LSAMP: variants seen among roughly 807,000 people sequenced by gnomAD.
LSAMP encodes limbic system associated membrane protein.
A neutral mutation model predicts 38.6 loss-of-function variants in LSAMP; 7 were observed. The ratio of observed to expected loss-of-function variants is 0.18; its 90% confidence interval spans 0.10 to 0.34. The LOEUF (loss-of-function observed/expected upper bound fraction) is 0.34. Among genes scored for constraint, LSAMP ranks in the 10% least tolerant of loss-of-function variants. The pLI is 1.00. For missense variants in LSAMP, 313 were observed against 420.0 expected (o/e 0.75, Z 2.23); for synonymous variants, 154 against 166.8 (o/e 0.92, Z 0.59).
chr3:116,198,031 T>A (rs1378026511), intron 1 of LSAMP, among the ~76,000 whole-genome samples: 1 of 152,176 alleles, frequency 6.6e-6, no homozygotes, highest in Non-Finnish European at 1.5e-5. Context: ...AGATATATCT[T>A]ATTCAGGAAA....
At chr3:115,888,840 T>C (rs1371024200) in intron 3 of LSAMP, among the ~76,000 whole-genome samples, 1 of 151,962 alleles carries the variant, frequency 6.6e-6, no homozygotes, top group African/African-American at 2.4e-5. Flanking sequence ...CAAATTTGGC[T>C]GGTGAGATTA....
chr3:116,414,375 C>A (rs2049021141), intron 1 of LSAMP, among the ~76,000 whole-genome samples: 1 of 152,094 alleles, frequency 6.6e-6, no homozygotes, highest in South Asian at 2.1e-4. Flanking sequence ...CAGCACAATT[C>A]TTTCTGCATA....
intron 1 of LSAMP, among the ~76,000 whole-genome samples, chr3:116,267,163 T>G (rs919767697): frequency 6.6e-6 from 1 of 152,164 alleles, no homozygotes; most frequent in Non-Finnish European, 1.5e-5. Flanking sequence ...TTACATTTTT[T>G]TTTGAAGTTG....
At chr3:115,843,698 T>C (rs1329885187) in intron 4 of LSAMP, among the ~76,000 whole-genome samples, 2 of 152,036 alleles carry the variant, frequency 1.3e-5, no homozygotes, top group Non-Finnish European at 2.9e-5. Flanking sequence ...ATTTTTTTTT[T>C]GTATTAAAAA....
rs147305645 is a variant in LSAMP at position 116,167,779 on chromosome 3, TATA to T, written c.156-81226_156-81224del. 2.1e-3 allele frequency among the ~76,000 whole-genome samples: 316 copies of T among 152,352 alleles called. 1 individual carries two copies. The highest frequency in any genetic ancestry group is 6.8e-3 in the African/African-American group (283 of 41,582). On this transcript the variant is annotated intron_variant, in intron 1 of 6. Coordinates refer to ENST00000490035, the MANE Select transcript of LSAMP (RefSeq NM_002338.5). The stretch of plus-strand genomic sequence containing the variant: ...CACCCCTTATATACAACATACTATG[TATA>T]ATAATGTAGGGTTATTATGTACTGC...
rs34608987 is a variant in LSAMP, at chr3:116,050,533, G to A, written c.389-30893C>T. ...ATATGGTCCTTGGGGAAATTAGGGG[G>A]AAAAAAAAAAAGTATCCACTAAGTC... On this transcript the variant is annotated intron_variant, in intron 2 of 6. Transcript: ENST00000490035. 9.5e-3 allele frequency among the ~76,000 whole-genome samples: 1,323 copies of A among 138,818 alleles called. 15 individuals carry two copies. Among genetic ancestry groups the A allele is most frequent in the African/African-American group, 0.034 (1,082 of 31,956 alleles). 91.1% of individuals were successfully genotyped at this position (138,818 alleles called of 152,430 possible).
intron 1 of LSAMP, among the ~76,000 whole-genome samples, chr3:116,114,012 T>G (rs983951763): frequency 1.3e-5 from 2 of 152,194 alleles, no homozygotes; most frequent in African/African-American, 2.4e-5. Context: ...ATGTTGAAAA[T>G]GTTGAACTTT....
chr3:115,891,680 A>G (rs1186850948), intron 3 of LSAMP, among the ~76,000 whole-genome samples: 1 of 151,830 alleles, frequency 6.6e-6, no homozygotes, highest in Non-Finnish European at 1.5e-5. Context: ...ATTCCAAACC[A>G]CTCAGGAGAG....
intron 2 of LSAMP, among the ~76,000 whole-genome samples, chr3:116,072,757 T>C (rs1007170527): frequency 1.3e-5 from 2 of 150,066 alleles, no homozygotes; most frequent in African/African-American, 4.9e-5. Flanking sequence ...TTGTGGTTTT[T>C]TTTTTTTTTT....
chr3:115,875,691 G>A (rs866634974), intron 3 of LSAMP, among the ~76,000 whole-genome samples: 1 of 151,948 alleles, frequency 6.6e-6, no homozygotes, highest in African/African-American at 2.4e-5. Flanking sequence ...TGTCCTCATT[G>A]TTCTTACCTC....
chr3:116,145,053 G>T (rs747895012), intron 1 of LSAMP, among the ~76,000 whole-genome samples: 23 of 151,816 alleles, frequency 1.5e-4, no homozygotes, highest in Non-Finnish European at 2.7e-4. Flanking sequence ...TTGTTTGATT[G>T]ATTTTAATAT....
At chr3:116,096,891 C>CT (rs1263603304) in intron 1 of LSAMP, among the ~76,000 whole-genome samples, 3 of 152,220 alleles carry the variant, frequency 2.0e-5, no homozygotes, top group Non-Finnish European at 2.9e-5. Flanking sequence ...GAATCTACAA[C>CT]TTTTTTCTCT....
At chr3:116,239,945 TC>T (rs1395913347) in intron 1 of LSAMP, among the ~76,000 whole-genome samples, 3 of 152,192 alleles carry the variant, frequency 2.0e-5, no homozygotes, top group Admixed American at 2.0e-4. Context: ...AAGTTTATAA[TC>T]TACTCTGCCA....
At chr3:116,066,160 C>T (rs145566899) in intron 2 of LSAMP, among the ~76,000 whole-genome samples, 50 of 152,252 alleles carry the variant, frequency 3.3e-4, no homozygotes, top group African/African-American at 1.0e-3. Context: ...AGATGGCTGA[C>T]TTTTCACTTT....
At chr3:116,285,233 T>A (rs1031376694) in intron 1 of LSAMP, among the ~76,000 whole-genome samples, 2 of 152,136 alleles carry the variant, frequency 1.3e-5, no homozygotes, top group African/African-American at 4.8e-5. Context: ...CATATCACTG[T>A]TCTGCAATGG....
At chr3:115,933,845 T>C (rs1039534219) in intron 3 of LSAMP, among the ~76,000 whole-genome samples, 5 of 152,196 alleles carry the variant, frequency 3.3e-5, no homozygotes, top group African/African-American at 1.2e-4. Context: ...GTTGGTGTTG[T>C]CAGTCTTCTG....
intron 1 of LSAMP, among the ~76,000 whole-genome samples, chr3:116,336,915 A>G (rs1310901744): frequency 2.6e-5 from 4 of 151,774 alleles, no homozygotes; most frequent in African/African-American, 9.7e-5. Flanking sequence ...AAATGGATGG[A>G]TAAGTCTAAT....
chr3:116,389,302 T>A (rs1039810870), intron 1 of LSAMP, among the ~76,000 whole-genome samples: 11 of 152,158 alleles, frequency 7.2e-5, no homozygotes, highest in South Asian at 2.1e-4. Flanking sequence ...TGATTTTTTT[T>A]TAAAAGGTGC....
chr3:116,216,620 C>CA (rs369088862), intron 1 of LSAMP, among the ~76,000 whole-genome samples: 19 of 148,416 alleles, frequency 1.3e-4, no homozygotes, highest in African/African-American at 1.5e-4. Flanking sequence ...GTGGGAGACA[C>CA]AAAAAAACTG....
Sources: allele counts gnomAD v4.1 joint callset (sites outside exome capture counted in the v4.1 genomes callset), GRCh38; gene constraint gnomAD v4.1.1; transcripts MANE v1.5; gene names NCBI Gene and HGNC (gene_info 2026-07-23, HGNC 2026-07-21).